Variants in TMEM236 observed in about 807,000 individuals in gnomAD.
The protein encoded by TMEM236 is family with sequence similarity 23, member A.
TMEM236 carries 11 observed loss-of-function variants against 14.7 expected under a neutral mutation model. The ratio of observed to expected loss-of-function variants is 0.75; its 90% CI spans 0.47 to 1.24. TMEM236 has a LOEUF of 1.24. TMEM236 is among the 50% of genes most tolerant of loss of function. The probability of loss-of-function intolerance (pLI) is 0.00; values close to 1 mark genes in which losing one functional copy is unlikely to be tolerated. For synonymous variants in TMEM236, 182 were observed against 168.6 expected (o/e 1.08, Z -0.62); for missense variants, 464 against 427.3 (o/e 1.09, Z -0.76).
chr10:17,769,755 A>G (rs1837536729), intron 1 of TMEM236, among the ~76,000 whole-genome samples: 1 of 152,200 alleles, frequency 6.6e-6, no homozygotes, highest in Non-Finnish European at 1.5e-5. Context: ...ATTTACACCT[A>G]GGACATCTAA....
chr10:17,790,180 G>A (rs1385066193), intron 3 of TMEM236, among the ~76,000 whole-genome samples: 9 of 151,860 alleles, frequency 5.9e-5, no homozygotes, highest in Admixed American at 2.0e-4. Context: ...CAATGAGCCA[G>A]GATTGTACCA....
intron 1 of TMEM236, among the ~76,000 whole-genome samples, chr10:17,757,614 A>G (rs1837302252): frequency 6.6e-6 from 1 of 151,140 alleles, no homozygotes; most frequent in Non-Finnish European, 1.5e-5. Context: ...AAAAAAAAAA[A>G]GCTATGTAAT....
chr10:17,790,789 A>T (rs1481944142), intron 3 of TMEM236, among the ~76,000 whole-genome samples: 2 of 152,144 alleles, frequency 1.3e-5, no homozygotes, highest in Non-Finnish European at 2.9e-5. Flanking sequence ...CCCTTGGGAG[A>T]AATAGATTTG....
chr10:17,758,732 A>G (rs2131740396), intron 1 of TMEM236, among the ~76,000 whole-genome samples: 1 of 152,360 alleles, frequency 6.6e-6, no homozygotes, highest in South Asian at 2.1e-4. Flanking sequence ...AGAAGTGGCA[A>G]TAAAACTGAA....
chr10:17,752,888 G>A (rs1837229602), intron 1 of TMEM236, among the ~76,000 whole-genome samples: 1 of 152,086 alleles, frequency 6.6e-6, no homozygotes, highest in African/African-American at 2.4e-5. Context: ...TCTTTAGTAG[G>A]GAATCCCCAT....
chr10:17,789,781 G>A (rs1837893631), intron 3 of TMEM236, among the ~76,000 whole-genome samples: 2 of 152,094 alleles, frequency 1.3e-5, no homozygotes, highest in African/African-American at 2.4e-5. Flanking sequence ...GCAGCACTCT[G>A]GGAGGCCTAG....
chr10:17,800,761 A>G lies in TMEM236; in HGVS notation c.*4257A>G, dbSNP rs917099206. 2 of 152,348 alleles carry G rather than the reference A, an allele frequency of 1.3e-5. No homozygotes were observed. The highest frequency in any genetic ancestry group is 6.5e-5 in the Admixed American group (1 of 15,308). The allele number at this position is 152,348 out of a possible 1,614,324, so 9.4% of individuals were successfully genotyped here. A position where few individuals can be genotyped will look rare whatever the true frequency, so the allele number is the denominator to read the frequency against. ...ACTTAAAAATGGCTACTTATACTCC[A>G]TAGAAGATATAGTAAATAATAGAAG... is the stretch of plus-strand genomic sequence containing the variant. On this transcript the variant is annotated 3_prime_UTR_variant, in exon 4 of 4. Coordinates refer to ENST00000377495, the MANE Select transcript of TMEM236 (RefSeq NM_001098844.3).
intron 1 of TMEM236, among the ~76,000 whole-genome samples, chr10:17,770,737 A>G (rs1014030308): frequency 9.2e-5 from 14 of 152,320 alleles, no homozygotes; most frequent in Admixed American, 3.9e-4. Flanking sequence ...TTATATCTCA[A>G]TAGCTATTTG....
At chr10:17,764,057 G>C (rs1837420438) in intron 1 of TMEM236, among the ~76,000 whole-genome samples, 1 of 152,154 alleles carries the variant, frequency 6.6e-6, no homozygotes, top group Non-Finnish European at 1.5e-5. Flanking sequence ...ATATATGTTG[G>C]AATGTTAATA....
chr10:17,797,647 T>C lies in TMEM236; in HGVS notation c.*1143T>C, dbSNP rs1322138946. On this transcript the variant is annotated 3_prime_UTR_variant, in exon 4 of 4. Transcript: ENST00000377495. Reference sequence around the variant, plus strand: ...GTAGTTTTAGGGGTTCCTTCAAAGGTGGAATTATATTCTTTATTCCATTGT... The same window carrying C: ...GTAGTTTTAGGGGTTCCTTCAAAGGCGGAATTATATTCTTTATTCCATTGT... 2.6e-5 allele frequency: 4 copies of C among 152,324 alleles called. No homozygotes were observed. The South Asian group carries it at 6.2e-4, about 24-fold the overall frequency. The allele number at this position is 152,324 out of a possible 1,614,324, so 9.4% of individuals were successfully genotyped here.
At chr10:17,775,533 C>G (rs1489923443) in intron 2 of TMEM236, among the ~76,000 whole-genome samples, 1 of 152,222 alleles carries the variant, frequency 6.6e-6, no homozygotes, top group Non-Finnish European at 1.5e-5. Flanking sequence ...CTCAGCCCCG[C>G]AAAGTGCTGG....
Position 17,796,514 on chromosome 10 carries a change from G to C in TMEM236, c.*10G>C, listed in dbSNP as rs1838017715. 2 of 1,598,578 alleles carry C rather than the reference G, an allele frequency of 1.3e-6. No homozygotes were observed. The highest frequency in any genetic ancestry group is 1.7e-6 in the Non-Finnish European group (2 of 1,166,298). On this transcript the variant is annotated 3_prime_UTR_variant, in exon 4 of 4. Transcript: ENST00000377495. ...AATGTCTCCATTTTAAAAAGGAAAT[G>C]GGATCTAGTAAGGCCTCTTTGTGAT...
rs1047469129 is a variant in TMEM236 at position 17,773,936 on chromosome 10, C to G, written c.331-2093C>G. On this transcript the variant is annotated intron_variant, in intron 2 of 3. Transcript: ENST00000377495. ...AAAAATAGTCCAGTTTATTGCTTTCCTTTATGGATAGTGCTTGGGTCACTC... is the reference window on the plus strand; with the variant it reads ...AAAAATAGTCCAGTTTATTGCTTTCGTTTATGGATAGTGCTTGGGTCACTC... Among the ~76,000 whole-genome samples the G allele has an allele frequency of 6.8e-4, 103 of 152,194 alleles. 1 individual carries two copies. In the East Asian group the frequency reaches 0.018, roughly 26 times the overall value.
intron 3 of TMEM236, among the ~76,000 whole-genome samples, chr10:17,789,636 G>T (rs939599063): frequency 1.3e-5 from 2 of 152,222 alleles, no homozygotes; most frequent in South Asian, 4.1e-4. Context: ...ATTCCAGTGC[G>T]TTGGGAGGCT....
At chr10:17,776,899 G>T (rs1235440505) in intron 3 of TMEM236, among the ~76,000 whole-genome samples, 6 of 152,170 alleles carry the variant, frequency 3.9e-5, no homozygotes, top group Non-Finnish European at 8.8e-5. Flanking sequence ...TATTTATTTA[G>T]TCGTAAATTA....
chr10:17,768,347 T>C (rs1012152758), intron 1 of TMEM236, among the ~76,000 whole-genome samples: 3 of 152,230 alleles, frequency 2.0e-5, no homozygotes, highest in South Asian at 4.1e-4. Context: ...TAAAAAGAAT[T>C]TGGATTACTA....
At chr10:17,768,888 G>A (rs1366745180) in intron 1 of TMEM236, among the ~76,000 whole-genome samples, 2 of 152,012 alleles carry the variant, frequency 1.3e-5, no homozygotes, top group Non-Finnish European at 2.9e-5. Context: ...GTTCATCAAA[G>A]ATTTTTTTAA....
At chr10:17,777,220 C>T (rs1837670863) in intron 3 of TMEM236, among the ~76,000 whole-genome samples, 1 of 152,132 alleles carries the variant, frequency 6.6e-6, no homozygotes, top group Non-Finnish European at 1.5e-5. Context: ...GAATCTGAGC[C>T]TGTCACTTTG....
chr10:17,752,240 G>C lies in TMEM236; in HGVS notation c.-56G>C. On this transcript the variant is annotated 5_prime_UTR_variant, in exon 1 of 4. The change abolishes an upstream ATG in the 5' untranslated region. Coordinates refer to ENST00000377495, the MANE Select transcript of TMEM236 (RefSeq NM_001098844.3). ...CAGTTCAGTGTCTGTGGGTCCATAT[G>C]CTGCCCACAGTCAAAGAGGGAGTCC... 1 of 1,613,794 alleles carries C rather than the reference G, an allele frequency of 6.2e-7. No individual in the cohort carries two copies. Among genetic ancestry groups the C allele is most frequent in the Non-Finnish European group, 8.5e-7 (1 of 1,179,784 alleles).
Sources: allele counts gnomAD v4.1 joint callset (sites outside exome capture counted in the v4.1 genomes callset), GRCh38; gene constraint gnomAD v4.1.1; transcripts MANE v1.5; gene names NCBI Gene and HGNC (gene_info 2026-07-23, HGNC 2026-07-21).